Variants in TRIM33 observed in about 807,000 individuals in gnomAD.
The protein encoded by TRIM33 is tripartite motif containing 33.
In TRIM33, 20 loss-of-function variants were observed where a neutral mutation model predicts 125.4. That is an observed-to-expected ratio of 0.16 (90% CI 0.11 to 0.23). The LOEUF (loss-of-function observed/expected upper bound fraction) is 0.23, where lower values mean the gene tolerates loss of function less well. Among genes scored for constraint, TRIM33 ranks in the 10% least tolerant of loss-of-function variants. The pLI, the probability that TRIM33 is intolerant of heterozygous loss-of-function variation, is 1.00. For missense variants in TRIM33, 920 were observed against 1,411.4 expected (o/e 0.65, Z 5.58); for synonymous variants, 564 against 513.9 (o/e 1.10, Z -1.32).
Position 114,510,818 on chromosome 1 carries a change from T to A in TRIM33, c.259A>T (p.Thr87Ser). The A allele has an allele frequency of 6.6e-7, 1 of 1,519,956 alleles. No individual in the cohort carries two copies. The highest frequency in any genetic ancestry group is 1.2e-5 in the South Asian group (1 of 82,104). 94.2% of individuals were successfully genotyped at this position (1,519,956 alleles called of 1,614,324 possible). The stretch of plus-strand genomic sequence containing the variant: ...GATACTGCGCCCCCGGCAACTCCAG[T>A]GCCCACTGAGGCCGCAGGAGATGAA... ...AASSPAASVG[T>S]GVAGGAVSTP... The change falls in exon 1 of 20, where the codon ACT becomes TCT. Residue 87 changes from threonine to serine, a missense_variant. Thr to Ser is a moderately conservative substitution (Grantham distance 58). Around this residue, in one of 8 missense-constraint regions of TRIM33, gnomAD observed 233 missense variants for 189.6 expected, o/e 1.23. Transcript: ENST00000358465.
At chr1:114,461,762 C>T (rs1353544330) in intron 4 of TRIM33, among the ~76,000 whole-genome samples, 2 of 151,880 alleles carry the variant, frequency 1.3e-5, no homozygotes, top group African/African-American at 2.4e-5. Flanking sequence ...ATCTAACACT[C>T]AAAAAAAGAT....
intron 1 of TRIM33, among the ~76,000 whole-genome samples, chr1:114,490,425 A>T (rs1228684770): frequency 6.6e-6 from 1 of 152,206 alleles, no homozygotes; most frequent in Non-Finnish European, 1.5e-5. Flanking sequence ...GAACCCTCAT[A>T]CATATTGCTG....
chr1:114,486,774 G>A (rs1160046278), intron 1 of TRIM33, among the ~76,000 whole-genome samples: 4 of 151,960 alleles, frequency 2.6e-5, no homozygotes, highest in Admixed American at 6.6e-5. Flanking sequence ...CAGAAGGAGA[G>A]GAGTACATAA....
chr1:114,393,144 G>A lies in TRIM33; in HGVS notation c.*4504C>T, dbSNP rs955985620. On this transcript the variant is annotated 3_prime_UTR_variant, in exon 20 of 20. Transcript: ENST00000358465. ...GTAGTAATAATAATAATGAGGGGAG[G>A]AGACCAATTGAAATACTGGAAGCAA... is the stretch of plus-strand genomic sequence containing the variant. 8 of 206,890 alleles carry A rather than the reference G, an allele frequency of 3.9e-5. No homozygotes were observed. Among genetic ancestry groups the A allele is most frequent in the African/African-American group, 6.9e-5 (3 of 43,790 alleles). The allele number at this position is 206,890 out of a possible 1,614,324, so 12.8% of individuals were successfully genotyped here.
At chr1:114,460,676 A>T (rs762430083) in intron 4 of TRIM33, among the ~76,000 whole-genome samples, 13 of 149,310 alleles carry the variant, frequency 8.7e-5, no homozygotes, top group Non-Finnish European at 1.5e-4. Context: ...ATGTTAGCCA[A>T]TAAATTATTT....
chr1:114,470,058 T>C (rs1357325694), intron 1 of TRIM33, among the ~76,000 whole-genome samples: 2 of 152,242 alleles, frequency 1.3e-5, no homozygotes, highest in Non-Finnish European at 2.9e-5. Context: ...TATGTGCACA[T>C]ACAATCATAT....
intron 4 of TRIM33, among the ~76,000 whole-genome samples, chr1:114,438,694 T>G (rs1191600276): frequency 6.6e-6 from 1 of 152,172 alleles, no homozygotes; most frequent in East Asian, 1.9e-4. Flanking sequence ...TCTTCTCCAG[T>G]AAAATACAGA....
intron 1 of TRIM33, chr1:114,468,219 T>C: frequency 4.7e-6 from 1 of 214,304 alleles, no homozygotes; most frequent in South Asian, 7.5e-5. Context: ...GAGAGTGCAG[T>C]GGTGTGAGAG....
At chr1:114,460,828 T>A (rs1649934113) in intron 4 of TRIM33, among the ~76,000 whole-genome samples, 1 of 152,116 alleles carries the variant, frequency 6.6e-6, no homozygotes, top group African/African-American at 2.4e-5. Flanking sequence ...CTGAAACACT[T>A]GTTTTATTTT....
Position 114,402,898 on chromosome 1 carries a change from A to G in TRIM33, c.2769-15T>C. On this transcript the variant is annotated splice_polypyrimidine_tract_variant and intron_variant, in intron 15 of 19. Coordinates refer to ENST00000358465, the MANE Select transcript of TRIM33 (RefSeq NM_015906.4). ...TCCAGTCCCCACTAGACAGGGAAAT[A>G]GGCAATTAGTCCACGTAATTATAAG... The G allele has an allele frequency of 6.2e-7, 1 of 1,605,896 alleles. No homozygotes were observed. The highest frequency in any genetic ancestry group is 1.1e-5 in the South Asian group (1 of 89,690).
chr1:114,474,167 C>T (rs2101448646), intron 1 of TRIM33, among the ~76,000 whole-genome samples: 1 of 152,228 alleles, frequency 6.6e-6, no homozygotes, highest in Non-Finnish European at 1.5e-5. Flanking sequence ...TCCCAAAGTG[C>T]TGGGATTACA....
intron 1 of TRIM33, among the ~76,000 whole-genome samples, chr1:114,478,572 A>G (rs1040137186): frequency 4.6e-5 from 7 of 152,220 alleles, no homozygotes; most frequent in African/African-American, 1.7e-4. Flanking sequence ...GAATAAAAAC[A>G]AAGATTTCAA....
chr1:114,393,086 G>A lies in TRIM33; in HGVS notation c.*4562C>T, dbSNP rs1651365513. ...GCACTTTTTAAGAATCATATTGAAG[G>A]GCAGTTAACTATGTGCAAAAATAAT... On this transcript the variant is annotated 3_prime_UTR_variant, in exon 20 of 20. Transcript: ENST00000358465. 1 of 203,830 alleles carries A rather than the reference G, an allele frequency of 4.9e-6. No individual in the cohort carries two copies. The highest frequency in any genetic ancestry group is 6.0e-5 in the Admixed American group (1 of 16,754). The allele number at this position is 203,830 out of a possible 1,614,324, so 12.6% of individuals were successfully genotyped here.
chr1:114,423,570 T>C (rs1185205348), intron 10 of TRIM33, among the ~76,000 whole-genome samples: 2 of 152,100 alleles, frequency 1.3e-5, no homozygotes, highest in Non-Finnish European at 2.9e-5. Context: ...TCTTTCTTTT[T>C]TTTTTGTTAA....
intron 1 of TRIM33, among the ~76,000 whole-genome samples, chr1:114,488,155 A>G: frequency 6.6e-6 from 1 of 152,160 alleles, no homozygotes. Context: ...AAACGTTGCG[A>G]TATCTAAGAC....
intron 5 of TRIM33, among the ~76,000 whole-genome samples, chr1:114,431,648 T>C (rs781672128): frequency 2.6e-5 from 4 of 152,348 alleles, no homozygotes; most frequent in Middle Eastern, 6.8e-3. Context: ...TCAATTTTTA[T>C]ACATTCTACT....
At chr1:114,427,334 T>G in intron 7 of TRIM33, 40 bp from the exon 8 acceptor site, 4 of 1,045,504 alleles carry the variant, frequency 3.8e-6, no homozygotes, top group Non-Finnish European at 5.8e-6. Flanking sequence ...CAAAATTAAA[T>G]ATCAATTGGG....
intron 11 of TRIM33, among the ~76,000 whole-genome samples, chr1:114,414,492 T>C (rs1257077584): frequency 6.6e-6 from 1 of 152,196 alleles, no homozygotes; most frequent in African/African-American, 2.4e-5. Flanking sequence ...TTTGAAATTC[T>C]GCCCTTTTTC....
chr1:114,468,507 G>T, intron 1 of TRIM33: 1 of 391,862 alleles, frequency 2.6e-6, no homozygotes, highest in Non-Finnish European at 4.9e-6. Context: ...TAGGGAAAAA[G>T]GTGCTTCTGA....
Sources: allele counts gnomAD v4.1 joint callset (sites outside exome capture counted in the v4.1 genomes callset), GRCh38; gene constraint gnomAD v4.1.1; regional missense constraint gnomAD v4.1.1; transcripts MANE v1.5; gene names NCBI Gene and HGNC (gene_info 2026-07-23, HGNC 2026-07-21).